Variants in FBN1 observed in about 807,000 individuals in gnomAD.
FBN1 encodes the protein fibrillin 1.
Under a neutral mutation model 365.1 loss-of-function variants are expected in FBN1, and 29 were observed. The ratio of observed to expected loss-of-function variants is 0.08; its 90% CI spans 0.06 to 0.11. The LOEUF is 0.11. FBN1 is among the 10% of genes least tolerant of loss of function. The probability of loss-of-function intolerance (pLI) is 1.00; values close to 1 mark genes in which losing one functional copy is unlikely to be tolerated. For synonymous variants in FBN1, 1,210 were observed against 1,270.5 expected (o/e 0.95, Z 1.01); for missense variants, 2,476 against 3,703.2 (o/e 0.67, Z 8.60).
At chr15:48,623,155 T>C (rs889470040) in intron 2 of FBN1, among the ~76,000 whole-genome samples, 10 of 152,166 alleles carry the variant, frequency 6.6e-5, no homozygotes, top group African/African-American at 9.7e-5. Context: ...CAAGATAATA[T>C]TGACTAAAGG....
At chr15:48,492,371 G>A in intron 24 of FBN1, 90 bp downstream of exon 24, 2 of 1,322,010 alleles carry the variant, frequency 1.5e-6, no homozygotes, top group Non-Finnish European at 2.2e-6. Flanking sequence ...GTCTGTACCT[G>A]AAGCTAAGTG....
At chr15:48,625,851 A>G (rs7182109) in intron 2 of FBN1, among the ~76,000 whole-genome samples, 19,810 of 152,090 alleles carry the variant, frequency 0.13, 3,392 homozygotes, top group African/African-American at 0.38. Flanking sequence ...TTGTGTGTGT[A>G]TGCAAGTTCC....
chr15:48,565,214 T>A (rs2044251339), intron 6 of FBN1, among the ~76,000 whole-genome samples: 1 of 152,172 alleles, frequency 6.6e-6, no homozygotes, highest in Admixed American at 6.6e-5. Context: ...AAGTGCATCA[T>A]ACATATTAAA....
At chr15:48,574,063 T>C (rs1380506428) in intron 6 of FBN1, among the ~76,000 whole-genome samples, 1 of 152,216 alleles carries the variant, frequency 6.6e-6, no homozygotes, top group African/African-American at 2.4e-5. Context: ...ATACTCAGGC[T>C]GTGGCACTGG....
chr15:48,537,513 G>A (rs1001981552), intron 7 of FBN1, 98 bp downstream of exon 7: 26 of 1,462,404 alleles, frequency 1.8e-5, no homozygotes, highest in Non-Finnish European at 2.5e-5. Context: ...AAGTTATGTA[G>A]CTGACACTAC....
rs775417975 is a variant in FBN1, at chr15:48,487,151, G to A, written c.3513C>T (p.Cys1171=). Reference sequence around the variant, plus strand: ...ACTGATACTTCCCTATGAGGTTCACGCAACGGCCATTGGGGCACAGGTGTG... The same window carrying A: ...ACTGATACTTCCCTATGAGGTTCACACAACGGCCATTGGGGCACAGGTGTG... ...LSAHLCPNGR[C]VNLIGKYQCA... is the part of the protein sequence containing the mutation. Residue 1171 remains cysteine (C), a synonymous_variant, in exon 29 of 66, where the codon TGC becomes TGT. Transcript: ENST00000316623. 77 of 1,614,010 alleles carry A rather than the reference G, an allele frequency of 4.8e-5. No homozygotes were observed. The highest frequency in any genetic ancestry group is 6.0e-5 in the Non-Finnish European group (71 of 1,180,026).
intron 6 of FBN1, among the ~76,000 whole-genome samples, chr15:48,543,481 TTATC>T (rs1201106596): frequency 6.6e-6 from 1 of 152,208 alleles, no homozygotes; most frequent in African/African-American, 2.4e-5. Flanking sequence ...GTAGTGCACA[TTATC>T]TATGAAGTTT....
chr15:48,454,003 G>T (rs529172951), intron 44 of FBN1, among the ~76,000 whole-genome samples: 3 of 152,156 alleles, frequency 2.0e-5, no homozygotes, highest in Non-Finnish European at 4.4e-5. Context: ...CACTTGACAT[G>T]GGTATAGATT....
At position 48,516,224 on chromosome 15, in the gene FBN1, C is replaced by T. The variant is rs368089138; in HGVS notation, c.1286G>A (p.Arg429Gln). ...FPPGPQIPVPRPPVEYLYPSR... is the reference protein window; with the variant it reads ...FPPGPQIPVPQPPVEYLYPSR... ...TGGATACAGATATTCCACTGGTGGTCGAGGGACCGGAATTTGAGGTCCAGG... is the reference window on the plus strand; with the variant it reads ...TGGATACAGATATTCCACTGGTGGTTGAGGGACCGGAATTTGAGGTCCAGG... Residue 429 changes from arginine (R) to glutamine (Q), a missense_variant, in exon 11 of 66, where the codon CGA becomes CAA. Around this residue, in one of 5 missense-constraint regions of FBN1, gnomAD observed 421 missense variants for 520.1 expected, o/e 0.81. Coordinates refer to ENST00000316623, the MANE Select transcript of FBN1 (RefSeq NM_000138.5). 2.2e-5 allele frequency: 35 copies of T among 1,613,048 alleles called. No homozygotes were observed. The highest frequency in any genetic ancestry group is 2.4e-5 in the Non-Finnish European group (28 of 1,179,754).
At chr15:48,488,607 G>T in intron 25 of FBN1, 114 bp from the exon 26 acceptor site, 1 of 1,197,064 alleles carries the variant, frequency 8.4e-7, no homozygotes, top group Non-Finnish European at 1.2e-6. Flanking sequence ...TAAGGTCTTG[G>T]CAGTATACAT....
Position 48,604,612 on chromosome 15 carries a change from G to A in FBN1, c.347-4378C>T, listed in dbSNP as rs574359458. On this transcript the variant is annotated intron_variant, in intron 4 of 65. Coordinates refer to ENST00000316623, the MANE Select transcript of FBN1 (RefSeq NM_000138.5). ...GTAGAGAAGGACAAGTTAAATGACA[G>A]TAGTGATAAAGGTGCTTCCATAAAG... Among the ~76,000 whole-genome samples the A allele has an allele frequency of 5.9e-5, 9 of 152,306 alleles. No homozygotes were observed. In the South Asian group the frequency reaches 1.9e-3, roughly 32 times the overall value.
chr15:48,428,537 C>T (rs1224789821), intron 56 of FBN1, 66 bp from the exon 57 acceptor site: 4 of 1,580,218 alleles, frequency 2.5e-6, no homozygotes, highest in African/African-American at 1.3e-5. Flanking sequence ...GAGGATGGAG[C>T]TCCTTCCTTC....
At chr15:48,578,544 G>A (rs1031382057) in intron 6 of FBN1, among the ~76,000 whole-genome samples, 1 of 152,016 alleles carries the variant, frequency 6.6e-6, no homozygotes, top group African/African-American at 2.4e-5. Flanking sequence ...TGGGATGGCT[G>A]GGTCAAATGG....
At chr15:48,523,169 T>TC (rs980062213) in intron 9 of FBN1, among the ~76,000 whole-genome samples, 37 of 152,360 alleles carry the variant, frequency 2.4e-4, no homozygotes, top group African/African-American at 8.4e-4. Context: ...CTGGCTTATA[T>TC]CCCAGCTTCA....
At chr15:48,538,215 T>TCCCTGAC (rs1368920422) in intron 6 of FBN1, among the ~76,000 whole-genome samples, 1 of 152,166 alleles carries the variant, frequency 6.6e-6, no homozygotes, top group Non-Finnish European at 1.5e-5. Context: ...AGAGGCCAAA[T>TCCCTGAC]CCCTGACCTC....
In FBN1 at chr15:48,445,310, A is replaced by G. The variant is rs551277881; in HGVS notation, c.5917+66T>C. On this transcript the variant is annotated intron_variant, in intron 48 of 65. Coordinates refer to ENST00000316623, the MANE Select transcript of FBN1 (RefSeq NM_000138.5). Reference sequence around the variant, plus strand: ...TCCAGAAAGAAGCATTAGAACAGAGACTGCATGATTCCTTGAGTGGTCTCT... The same window carrying G: ...TCCAGAAAGAAGCATTAGAACAGAGGCTGCATGATTCCTTGAGTGGTCTCT... The G allele has an allele frequency of 3.2e-5, 50 of 1,558,418 alleles. No homozygotes were observed. The African/African-American group carries it at 6.4e-4, about 20-fold the overall frequency.
chr15:48,622,535 C>G (rs1047938764), intron 2 of FBN1, among the ~76,000 whole-genome samples: 1 of 152,152 alleles, frequency 6.6e-6, no homozygotes, highest in African/African-American at 2.4e-5. Flanking sequence ...ATTGTTGGAC[C>G]AATATCATGT....
At chr15:48,605,082 GC>G (rs1411137560) in intron 4 of FBN1, among the ~76,000 whole-genome samples, 1 of 152,136 alleles carries the variant, frequency 6.6e-6, no homozygotes, top group Non-Finnish European at 1.5e-5. Context: ...AGTGTAAAGG[GC>G]CCCAAATTGA....
rs781682561 is a variant in FBN1 at position 48,495,159 on chromosome 15, C to T, written c.2641G>A (p.Ala881Thr). The T allele has an allele frequency of 3.7e-6, 6 of 1,614,148 alleles. No individual in the cohort carries two copies. In the South Asian group the frequency reaches 6.6e-5, roughly 18 times the overall value. ...LKSQCCSSLGAAWGSPCTLCQ... is the reference protein window; with the variant it reads ...LKSQCCSSLGTAWGSPCTLCQ... ...AGGGTGCACGGGCTTCCCCACGCAG[C>T]ACCGAGGGAGGAGCAGCACTGGGAC... is the stretch of plus-strand genomic sequence containing the variant. Residue 881 changes from alanine (A) to threonine (T), a missense_variant, in exon 22 of 66, where the codon GCT (alanine) becomes ACT (threonine). Physicochemically the swap from Ala to Thr is moderately conservative, Grantham distance 58. This residue lies in a region of FBN1 where 1,780 missense variants were observed against 2,840.8 expected (regional missense o/e 0.63). Coordinates refer to ENST00000316623, the MANE Select transcript of FBN1 (RefSeq NM_000138.5).
Sources: gnomAD v4.1 joint callset for allele counts (sites outside exome capture counted in the v4.1 genomes callset) on GRCh38, gnomAD v4.1.1 for gene constraint, gnomAD v4.1.1 regional missense constraint, MANE v1.5 for transcripts, NCBI Gene and HGNC (gene_info 2026-07-23, HGNC 2026-07-21) for gene names.